Variants in ATL3 observed in about 807,000 individuals in gnomAD.
ATL3 encodes the protein atlastin GTPase 3, also known as atlastin-3.
In ATL3, 49 loss-of-function variants were observed where a neutral mutation model predicts 69.5. The observed-to-expected ratio is 0.71, with a 90% CI of 0.56 to 0.89. The LOEUF (loss-of-function observed/expected upper bound fraction) is 0.89, where lower values mean the gene tolerates loss of function less well. ATL3 is among the 40% of genes least tolerant of loss of function. The pLI, the probability that ATL3 is intolerant of heterozygous loss-of-function variation, is 0.00. For synonymous variants in ATL3, 214 were observed against 224.1 expected (o/e 0.95, Z 0.40); for missense variants, 606 against 645.7 (o/e 0.94, Z 0.67).
In ATL3 at chr11:63,632,689, C is replaced by T. The variant is rs1939362861; in HGVS notation, c.1107+337G>A. 4.8e-6 allele frequency: 6 copies of T among 1,260,870 alleles called. No individual in the cohort carries two copies. The South Asian group carries it at 4.8e-5, about 10-fold the overall frequency. The allele number at this position is 1,260,870 out of a possible 1,614,324, so 78.1% of individuals were successfully genotyped here. On this transcript the variant is annotated intron_variant, in intron 11 of 12. Transcript: ENST00000398868. ...CTGAGTGATTTTGGATTTTTATGTG[C>T]CAGCCTTAATGGCCACAGATTTTCT... is the stretch of plus-strand genomic sequence containing the variant.
At chr11:63,669,437 C>T (rs918131262) in intron 1 of ATL3, among the ~76,000 whole-genome samples, 3 of 150,828 alleles carry the variant, frequency 2.0e-5, no homozygotes, top group African/African-American at 7.3e-5. Flanking sequence ...TGGGAGGCTG[C>T]GGCAGGAGAA....
At chr11:63,669,411 T>C (rs1457203511) in intron 1 of ATL3, among the ~76,000 whole-genome samples, 1 of 151,620 alleles carries the variant, frequency 6.6e-6, no homozygotes, top group Non-Finnish European at 1.5e-5. Context: ...GGAGGGCGCC[T>C]GTAATCCCAG....
At chr11:63,633,143 C>T in intron 10 of ATL3, 46 bp from the exon 11 acceptor site, 1 of 1,466,788 alleles carries the variant, frequency 6.8e-7, no homozygotes, top group Non-Finnish European at 9.5e-7. Flanking sequence ...CCTCTTTTAA[C>T]ATTCCTCCAC....
chr11:63,641,362 C>T (rs1402957895), intron 8 of ATL3, among the ~76,000 whole-genome samples: 1 of 152,190 alleles, frequency 6.6e-6, no homozygotes, highest in African/African-American at 2.4e-5. Context: ...CCCTCCCCAA[C>T]AAAATGCATG....
At chr11:63,630,304 A>C (rs1939265939) in intron 12 of ATL3, among the ~76,000 whole-genome samples, 2 of 151,590 alleles carry the variant, frequency 1.3e-5, no homozygotes, top group African/African-American at 4.9e-5. Context: ...AGGCACCTAT[A>C]ATCCCAGCTA....
chr11:63,654,521 C>T (rs1940180519), intron 3 of ATL3, among the ~76,000 whole-genome samples: 1 of 151,856 alleles, frequency 6.6e-6, no homozygotes. Context: ...CCTCAGCCTC[C>T]CGAGTAGCTG....
chr11:63,660,840 A>G (rs563027151), intron 1 of ATL3, among the ~76,000 whole-genome samples: 15 of 152,194 alleles, frequency 9.9e-5, no homozygotes, highest in African/African-American at 3.1e-4. Context: ...AGCTTTATTT[A>G]GATATATATA....
intron 1 of ATL3, chr11:63,670,439 T>G (rs991075806): frequency 7.2e-5 from 11 of 152,236 alleles, no homozygotes; most frequent in Admixed American, 5.2e-4. Flanking sequence ...ATTTAAAAAT[T>G]CTTCACTGTT....
At chr11:63,649,132 A>T (rs1006701961) in intron 5 of ATL3, among the ~76,000 whole-genome samples, 1 of 152,240 alleles carries the variant, frequency 6.6e-6, no homozygotes, top group African/African-American at 2.4e-5. Context: ...CTCAAAAAAA[A>T]TAAAAAAAGT....
At chr11:63,633,933 G>T (rs776367286) in intron 10 of ATL3, among the ~76,000 whole-genome samples, 2 of 150,938 alleles carry the variant, frequency 1.3e-5, no homozygotes, top group Non-Finnish European at 2.9e-5. Flanking sequence ...TACTCAGGAG[G>T]CTGAGGCAGG....
Position 63,652,986 on chromosome 11 carries a change from T to C in ATL3, c.406-411A>G, listed in dbSNP as rs541315654. On this transcript the variant is annotated intron_variant, in intron 3 of 12. Transcript: ENST00000398868. ...GGCAGCAGCAGCACTTGAGCCCAGT[T>C]CAATACCAGCCTGGGCAACATAGTG... Among the ~76,000 whole-genome samples, 3 of 151,264 alleles carry C rather than the reference T, an allele frequency of 2.0e-5. No homozygotes were observed. In the East Asian group the frequency reaches 5.9e-4, roughly 30 times the overall value.
intron 3 of ATL3, among the ~76,000 whole-genome samples, chr11:63,654,685 A>G (rs979825556): frequency 6.8e-6 from 1 of 146,424 alleles, no homozygotes; most frequent in Admixed American, 6.9e-5. Context: ...GGCCTAAGCC[A>G]CCATGTCTGG....
At chr11:63,638,599 G>A (rs1250045595) in intron 8 of ATL3, among the ~76,000 whole-genome samples, 1 of 152,114 alleles carries the variant, frequency 6.6e-6, no homozygotes, top group East Asian at 1.9e-4. Context: ...CAGCTACTCG[G>A]GAGGATGTGG....
At chr11:63,631,744 G>A (rs1053433383) in intron 11 of ATL3, among the ~76,000 whole-genome samples, 3 of 152,184 alleles carry the variant, frequency 2.0e-5, no homozygotes, top group Non-Finnish European at 4.4e-5. Flanking sequence ...CACTTTCGGA[G>A]GCCAGGGCGG....
chr11:63,659,044 A>AT lies in ATL3; in HGVS notation c.254dup (p.Tyr85Ter), dbSNP rs1351837396. The AT allele has an allele frequency of 6.2e-7, 1 of 1,614,088 alleles. No individual in the cohort carries two copies. Among genetic ancestry groups the AT allele is most frequent in the African/African-American group, 1.3e-5 (1 of 75,062 alleles). ...FILDFMLRYL[Y>*]SQKESGHSNW... The stretch of plus-strand genomic sequence containing the variant: ...TAAAATAATTCTATCTTACCTGAGA[A>AT]TATAAGTATCGTAGCATAAAATCCA... Residue 85 changes from tyrosine to a stop codon, truncating the protein, a stop_gained and frameshift_variant, in exon 2 of 13, where the codon TAT (tyrosine) becomes TAAT (stop). Coordinates refer to ENST00000398868, the MANE Select transcript of ATL3 (RefSeq NM_015459.5). LOFTEE classifies it high-confidence loss of function.
chr11:63,630,250 T>TAA (rs36043798), intron 12 of ATL3, among the ~76,000 whole-genome samples: 2 of 121,392 alleles, frequency 1.6e-5, no homozygotes, highest in African/African-American at 6.1e-5. Flanking sequence ...CTGTCTCTAC[T>TAA]AAAAAAAAAA....
intron 3 of ATL3, among the ~76,000 whole-genome samples, chr11:63,655,990 C>A (rs1030964852): frequency 5.9e-5 from 9 of 151,514 alleles, no homozygotes; most frequent in African/African-American, 2.2e-4. Context: ...TTTGGGAGGC[C>A]AAGGCGGGCA....
intron 5 of ATL3, among the ~76,000 whole-genome samples, chr11:63,647,625 G>C (rs986253784): frequency 6.6e-6 from 1 of 152,150 alleles, no homozygotes; most frequent in Non-Finnish European, 1.5e-5. Context: ...GTGCACTACT[G>C]GATTTCCAGC....
Position 63,631,273 on chromosome 11 carries a change from T to C in ATL3, c.1306A>G (p.Asn436Asp), listed in dbSNP as rs747638222. Reference sequence around the variant, plus strand: ...GGGGTTCGGAAGGTGCTGAAGACGTTCTTGCTACCATTGTGCTTGCAGAAG... The same window carrying C: ...GGGGTTCGGAAGGTGCTGAAGACGTCCTTGCTACCATTGTGCTTGCAGAAG... ...ENFCKHNGSK[N>D]VFSTFRTPAV... Residue 436 changes from asparagine to aspartate, a missense_variant, in exon 12 of 13, where the codon AAC becomes GAC. Transcript: ENST00000398868. 6 of 1,614,096 alleles carry C rather than the reference T, an allele frequency of 3.7e-6. No homozygotes were observed. The highest frequency in any genetic ancestry group is 5.1e-6 in the Non-Finnish European group (6 of 1,180,046).
Sources: gnomAD v4.1 joint callset for allele counts (sites outside exome capture counted in the v4.1 genomes callset) on GRCh38, gnomAD v4.1.1 for gene constraint, MANE v1.5 for transcripts, NCBI Gene and HGNC (gene_info 2026-07-23, HGNC 2026-07-21) for gene names.